GABRG3: variants seen among roughly 807,000 people sequenced by gnomAD.
GABRG3 encodes the protein gamma-aminobutyric acid type A receptor subunit gamma3.
GABRG3 carries 25 observed loss-of-function variants against 48.8 expected under a neutral mutation model. The ratio of observed to expected loss-of-function variants is 0.51; its 90% CI spans 0.37 to 0.72. GABRG3 has a LOEUF of 0.72. Ranked by LOEUF, GABRG3 falls within the 30% of genes least tolerant of loss-of-function variation. GABRG3 has a pLI of 0.00. For synonymous variants in GABRG3, 227 were observed against 217.6 expected, an observed-to-expected ratio of 1.04 and a Z score of -0.38; for missense variants, 394 against 577.9, an observed-to-expected ratio of 0.68 and a Z score of 3.26.
At chr15:27,075,744 G>A (rs563267057) in intron 3 of GABRG3, among the ~76,000 whole-genome samples, 1 of 152,330 alleles carries the variant, frequency 6.6e-6, no homozygotes, top group South Asian at 2.1e-4. Flanking sequence ...TGTTGAGGAA[G>A]AGGTGGATTT....
Position 27,455,075 on chromosome 15 carries a change from A to G in GABRG3, c.575-25575A>G, listed in dbSNP as rs1255758540. ...AACATTTTCCATTATCATTTTAATA[A>G]TGTTCTTCCTGAGGCCTGAAACTGT... On this transcript the variant is annotated intron_variant, in intron 5 of 9. Coordinates refer to ENST00000615808, the MANE Select transcript of GABRG3 (RefSeq NM_033223.5). Among the ~76,000 whole-genome samples, 11 of 152,236 alleles carry G rather than the reference A, an allele frequency of 7.2e-5. No homozygotes were observed. In the East Asian group the frequency reaches 2.1e-3, roughly 29 times the overall value.
intron 3 of GABRG3, among the ~76,000 whole-genome samples, chr15:27,093,219 T>G (rs1370581845): frequency 6.6e-6 from 1 of 151,798 alleles, no homozygotes; most frequent in Non-Finnish European, 1.5e-5. Flanking sequence ...GTTGGTGAGG[T>G]GGAGGCAGGA....
chr15:27,046,545 C>T (rs1414638030), intron 3 of GABRG3, among the ~76,000 whole-genome samples: 1 of 152,256 alleles, frequency 6.6e-6, no homozygotes, highest in East Asian at 1.9e-4. Context: ...ATCGTTAGTG[C>T]TGTGCGCATC....
At chr15:27,132,009 T>C (rs1264683972) in intron 3 of GABRG3, among the ~76,000 whole-genome samples, 1 of 152,118 alleles carries the variant, frequency 6.6e-6, no homozygotes, top group Non-Finnish European at 1.5e-5. Flanking sequence ...GTAGTTCAAG[T>C]TTCTTATAAA....
intron 3 of GABRG3, among the ~76,000 whole-genome samples, chr15:27,188,192 G>A (rs1888163598): frequency 6.6e-6 from 1 of 152,108 alleles, no homozygotes; most frequent in Non-Finnish European, 1.5e-5. Flanking sequence ...AAACATACGT[G>A]TGCATGTGTC....
chr15:27,002,999 A>G (rs1415976755), intron 2 of GABRG3, among the ~76,000 whole-genome samples: 3 of 136,492 alleles, frequency 2.2e-5, no homozygotes, highest in Admixed American at 7.6e-5. Flanking sequence ...ATAAATAAAC[A>G]AAACAAAACA....
At chr15:27,120,327 A>T (rs1447518436) in intron 3 of GABRG3, among the ~76,000 whole-genome samples, 3 of 152,188 alleles carry the variant, frequency 2.0e-5, no homozygotes, top group African/African-American at 7.2e-5. Context: ...ATTGTCTTGC[A>T]TGCATAGGTG....
At chr15:27,453,853 C>T (rs1251861630) in intron 5 of GABRG3, among the ~76,000 whole-genome samples, 1 of 152,212 alleles carries the variant, frequency 6.6e-6, no homozygotes, top group Admixed American at 6.5e-5. Flanking sequence ...CTGCCCACCA[C>T]GGCCTCCCAA....
intron 2 of GABRG3, among the ~76,000 whole-genome samples, chr15:27,011,203 C>G (rs1895679724): frequency 6.6e-6 from 1 of 152,142 alleles, no homozygotes. Context: ...TAAATTCTAA[C>G]CACAGCATCT....
Position 27,062,341 on chromosome 15 carries a change from A to G in GABRG3, c.270+35520A>G, listed in dbSNP as rs183647857. On this transcript the variant is annotated intron_variant, in intron 3 of 9. Transcript: ENST00000615808. ...GCTGGGTGTGGTGGCTCACGCCTGT[A>G]ATCCCAGCACTTCAGGAGGCCGAGG... is the stretch of plus-strand genomic sequence containing the variant. Among the ~76,000 whole-genome samples the G allele has an allele frequency of 3.6e-3, 542 of 151,576 alleles. 5 individuals carry two copies. The highest frequency in any genetic ancestry group is 0.012 in the African/African-American group (501 of 41,346).
intron 3 of GABRG3, among the ~76,000 whole-genome samples, chr15:27,295,560 A>AAT (rs1303879705): frequency 6.6e-6 from 1 of 152,194 alleles, no homozygotes; most frequent in African/African-American, 2.4e-5. Flanking sequence ...TGATAAAAAA[A>AAT]ATTCACCATG....
intron 3 of GABRG3, among the ~76,000 whole-genome samples, chr15:27,029,559 C>T (rs145271262): frequency 5.1e-4 from 78 of 152,222 alleles, no homozygotes; most frequent in African/African-American, 1.6e-3. Context: ...CGCACACACA[C>T]GCACATTTAT....
chr15:27,367,083 C>T (rs1895230631), intron 5 of GABRG3, among the ~76,000 whole-genome samples: 1 of 152,122 alleles, frequency 6.6e-6, no homozygotes, highest in African/African-American at 2.4e-5. Context: ...TCCTCACATC[C>T]ACTGCTTTCC....
intron 3 of GABRG3, among the ~76,000 whole-genome samples, chr15:27,200,768 A>C (rs1168288274): frequency 6.6e-6 from 1 of 152,146 alleles, no homozygotes; most frequent in African/African-American, 2.4e-5. Context: ...TTTTACTCAC[A>C]AAAGCTGGCC....
chr15:27,517,498 TC>T (rs1891051348), intron 6 of GABRG3, among the ~76,000 whole-genome samples: 1 of 152,224 alleles, frequency 6.6e-6, no homozygotes, highest in Non-Finnish European at 1.5e-5. Flanking sequence ...GGAGCTCCTC[TC>T]ACCCCAGGCA....
chr15:27,411,954 T>G (rs1032648580), intron 5 of GABRG3, among the ~76,000 whole-genome samples: 3 of 152,156 alleles, frequency 2.0e-5, no homozygotes, highest in African/African-American at 7.2e-5. Flanking sequence ...TCCAATGCTC[T>G]TTCTTTCTTT....
At position 27,293,537 on chromosome 15, in the gene GABRG3, G is replaced by A. The variant is rs111632144; in HGVS notation, c.271-33272G>A. Among the ~76,000 whole-genome samples the A allele has an allele frequency of 3.3e-5, 5 of 152,116 alleles. 1 individual carries two copies. The highest frequency in any genetic ancestry group is 9.6e-5 in the African/African-American group (4 of 41,532). ...AAAATACAAAAAAAATTAGCCAGGT[G>A]TGGTAGCGTATGCCTGTAATCCCAG... On this transcript the variant is annotated intron_variant, in intron 3 of 9. Coordinates refer to ENST00000615808, the MANE Select transcript of GABRG3 (RefSeq NM_033223.5).
At position 27,098,327 on chromosome 15, in the gene GABRG3, G is replaced by A. The variant is rs192380363; in HGVS notation, c.270+71506G>A. Among the ~76,000 whole-genome samples the A allele has an allele frequency of 3.7e-4, 57 of 152,150 alleles. No individual in the cohort carries two copies. In the East Asian group the frequency reaches 9.1e-3, roughly 24 times the overall value. On this transcript the variant is annotated intron_variant, in intron 3 of 9. Transcript: ENST00000615808. ...CAGGCATCTATAGTTCCAGCTACTC[G>A]GGAGGCTGATACAGGAGAATTGCTT... is the stretch of plus-strand genomic sequence containing the variant.
chr15:27,224,775 A>C (rs897174), intron 3 of GABRG3, among the ~76,000 whole-genome samples: 3 of 152,136 alleles, frequency 2.0e-5, no homozygotes, highest in Non-Finnish European at 4.4e-5. Flanking sequence ...TGCTGTGCAT[A>C]TAGGATAACG....
Sources: allele counts gnomAD v4.1 joint callset (sites outside exome capture counted in the v4.1 genomes callset), GRCh38; gene constraint gnomAD v4.1.1; transcripts MANE v1.5; gene names NCBI Gene and HGNC (gene_info 2026-07-23, HGNC 2026-07-21).